The following PTH2R variants were observed in gnomAD, a reference collection of about 807,000 sequenced individuals.
PTH2R encodes PTH2 receptor.
Under a neutral mutation model 60.3 loss-of-function variants are expected in PTH2R, and 59 were observed. The ratio of observed to expected loss-of-function variants is 0.98; its 90% CI spans 0.79 to 1.22. The LOEUF (loss-of-function observed/expected upper bound fraction) is 1.22, where lower values mean the gene tolerates loss of function less well. Among genes scored for constraint, PTH2R ranks in the 50% most tolerant of loss-of-function variants. The pLI is 0.00. For missense variants in PTH2R, 749 were observed against 682.6 expected (o/e 1.10, Z -1.08); for synonymous variants, 256 against 243.8 (o/e 1.05, Z -0.47).
At chr2:208,381,970 G>T (rs1214851929) in intron 1 of PTH2R, among the ~76,000 whole-genome samples, 1 of 152,144 alleles carries the variant, frequency 6.6e-6, no homozygotes, top group East Asian at 1.9e-4. Flanking sequence ...AAATAAAGGT[G>T]TATCTGGTGT....
At chr2:208,408,587 G>A (rs1166699584) in intron 1 of PTH2R, among the ~76,000 whole-genome samples, 1 of 151,988 alleles carries the variant, frequency 6.6e-6, no homozygotes, top group Non-Finnish European at 1.5e-5. Context: ...AGAACTTTGG[G>A]AGACGGGAGG....
intron 1 of PTH2R, among the ~76,000 whole-genome samples, chr2:208,399,186 T>C (rs1223881516): frequency 6.6e-6 from 1 of 152,230 alleles, no homozygotes; most frequent in Non-Finnish European, 1.5e-5. Context: ...AAACATTTTA[T>C]ACTCTCCATT....
In PTH2R at chr2:208,481,074, AT is replaced by A; in HGVS notation, c.990del (p.Phe330LeufsTer5). 6.3e-7 allele frequency: 1 copy of A among 1,595,722 alleles called. No individual in the cohort carries two copies. The highest frequency in any genetic ancestry group is 8.6e-7 in the Non-Finnish European group (1 of 1,166,478). On this transcript the variant is annotated frameshift_variant, in exon 10 of 13. Coordinates refer to ENST00000272847, the MANE Select transcript of PTH2R (RefSeq NM_005048.4). LOFTEE classifies it high-confidence loss of function. ...QAPILAAIGL[N>X]FILFLNTVRV... Reference sequence around the variant, plus strand: ...TAATCTTACCTTCTTTTTCAGCTGAATTTTATTCTGTTTCTGAATACGGTTA... The same window carrying A: ...TAATCTTACCTTCTTTTTCAGCTGAATTTATTCTGTTTCTGAATACGGTTA...
At chr2:208,431,550 C>T (rs1212042943) in intron 2 of PTH2R, among the ~76,000 whole-genome samples, 1 of 152,322 alleles carries the variant, frequency 6.6e-6, no homozygotes, top group African/African-American at 2.4e-5. Context: ...TTAGATCACA[C>T]ATAAATATAG....
chr2:208,431,154 A>G (rs1701963808), intron 2 of PTH2R, among the ~76,000 whole-genome samples: 3 of 151,934 alleles, frequency 2.0e-5, no homozygotes, highest in South Asian at 4.2e-4. Context: ...TAATTTCTTC[A>G]TATATATTTT....
At chr2:208,426,935 C>T (rs1701868750) in intron 1 of PTH2R, among the ~76,000 whole-genome samples, 2 of 152,164 alleles carry the variant, frequency 1.3e-5, no homozygotes, top group South Asian at 4.1e-4. Context: ...CCCGGCTAAA[C>T]TGACCAGATG....
In PTH2R at chr2:208,406,989, G is replaced by A; in HGVS notation, c.-55G>A. The stretch of plus-strand genomic sequence containing the variant: ...GGCCAGCCAAGTTGGCAACTTGGAA[G>A]CTTCTCCCGGGCTCTGGAGGAGGGT... On this transcript the variant is annotated 5_prime_UTR_variant, in exon 1 of 13. Coordinates refer to ENST00000272847, the MANE Select transcript of PTH2R (RefSeq NM_005048.4). The A allele has an allele frequency of 1.5e-6, 2 of 1,342,202 alleles. No individual in the cohort carries two copies. The highest frequency in any genetic ancestry group is 2.2e-5 in the South Asian group (1 of 44,480). The allele number at this position is 1,342,202 out of a possible 1,614,324, so 83.1% of individuals were successfully genotyped here.
chr2:208,415,488 C>T (rs1280183945), intron 1 of PTH2R, among the ~76,000 whole-genome samples: 1 of 152,140 alleles, frequency 6.6e-6, no homozygotes, highest in African/African-American at 2.4e-5. Flanking sequence ...ATGTATTGCT[C>T]TACATTTTCA....
intron 1 of PTH2R, among the ~76,000 whole-genome samples, chr2:208,387,770 A>G (rs1701028733): frequency 6.6e-6 from 1 of 152,196 alleles, no homozygotes; most frequent in Non-Finnish European, 1.5e-5. Context: ...AAGTGCAGAG[A>G]CCTGTATGTC....
At chr2:208,436,459 G>A (rs773794057) in intron 2 of PTH2R, among the ~76,000 whole-genome samples, 2 of 152,158 alleles carry the variant, frequency 1.3e-5, no homozygotes, top group Non-Finnish European at 2.9e-5. Flanking sequence ...TTACCAACTT[G>A]TCTGAGTCCA....
At position 208,442,432 on chromosome 2, in the gene PTH2R, T is replaced by C; in HGVS notation, c.480T>C (p.Ala160=). 1 of 1,612,530 alleles carries C rather than the reference T, an allele frequency of 6.2e-7. No homozygotes were observed. Among genetic ancestry groups the C allele is most frequent in the Non-Finnish European group, 8.5e-7 (1 of 1,178,530 alleles). Residue 160 remains alanine (A), a synonymous_variant, in exon 5 of 13, where the codon GCT becomes GCC. Transcript: ENST00000272847. The part of the protein sequence containing the change: ...VGYSISFGSL[A]VAILIIGYFR... ...ACTCCATCTCTTTTGGTTCCTTGGC[T>C]GTGGCTATTCTCATCATTGGTTACT...
intron 9 of PTH2R, among the ~76,000 whole-genome samples, chr2:208,473,074 T>C (rs999730234): frequency 1.3e-5 from 2 of 152,164 alleles, no homozygotes; most frequent in African/African-American, 4.8e-5. Context: ...ATATGCAAGG[T>C]CATTAAGCAT....
chr2:208,459,802 G>T, intron 8 of PTH2R, 93 bp from the exon 9 acceptor site: 1 of 962,844 alleles, frequency 1.0e-6, no homozygotes, highest in Non-Finnish European at 1.6e-6. Context: ...TGGAAGTGTG[G>T]GGTTGGAGTT....
At chr2:208,411,016 C>A (rs982189909) in intron 1 of PTH2R, among the ~76,000 whole-genome samples, 7 of 152,134 alleles carry the variant, frequency 4.6e-5, no homozygotes, top group Non-Finnish European at 7.4e-5. Context: ...GAGGCCAAGG[C>A]GGGCAGATCA....
chr2:208,469,371 A>G (rs1042512920), intron 9 of PTH2R, among the ~76,000 whole-genome samples: 2 of 152,240 alleles, frequency 1.3e-5, no homozygotes, highest in African/African-American at 2.4e-5. Context: ...GTCTTTGGCT[A>G]TTATAATACT....
chr2:208,362,532 T>C (rs942482853), intron 1 of PTH2R, among the ~76,000 whole-genome samples: 13 of 152,208 alleles, frequency 8.5e-5, no homozygotes, highest in African/African-American at 3.1e-4. Flanking sequence ...ATCTATATCA[T>C]AGATGCAGAG....
chr2:208,491,571 T>C (rs1042459199), intron 12 of PTH2R, among the ~76,000 whole-genome samples: 3 of 152,148 alleles, frequency 2.0e-5, no homozygotes, highest in Admixed American at 2.0e-4. Flanking sequence ...TATCACAGGC[T>C]TGGACTGCTT....
intron 9 of PTH2R, among the ~76,000 whole-genome samples, chr2:208,460,647 T>C (rs2105888259): frequency 6.6e-6 from 1 of 152,274 alleles, no homozygotes; most frequent in East Asian, 1.9e-4. Context: ...ACACACTTCT[T>C]TGTATCTAAT....
At chr2:208,462,488 T>C (rs1466386787) in intron 9 of PTH2R, among the ~76,000 whole-genome samples, 1 of 152,118 alleles carries the variant, frequency 6.6e-6, no homozygotes, top group African/African-American at 2.4e-5. Context: ...GGTAGTTAGA[T>C]TGCCAGTGGC....
Sources: gnomAD v4.1 joint callset for allele counts (sites outside exome capture counted in the v4.1 genomes callset) on GRCh38, gnomAD v4.1.1 for gene constraint, MANE v1.5 for transcripts, NCBI Gene and HGNC (gene_info 2026-07-23, HGNC 2026-07-21) for gene names.